Variants in MED6 observed in about 807,000 individuals in gnomAD.
MED6 encodes the protein mediator complex subunit 6.
In MED6, 33 loss-of-function variants were observed where a neutral mutation model predicts 37.5. The ratio of observed to expected loss-of-function variants is 0.88; its 90% CI spans 0.67 to 1.18. The LOEUF is 1.18. Ranked by LOEUF, MED6 falls within the 50% of genes most tolerant of loss-of-function variation. The pLI is 0.00. For synonymous variants in MED6, 94 were observed against 93.6 expected (o/e 1.00, Z -0.02); for missense variants, 235 against 290.6 (o/e 0.81, Z 1.39).
rs1353896922 is a variant in MED6, at chr14:70,585,605, T to C, written c.610+151A>G. On this transcript the variant is annotated intron_variant, in intron 7 of 7. Coordinates refer to ENST00000256379, the MANE Select transcript of MED6 (RefSeq NM_005466.4). ...GCCATCATTAGTGTTATTTTATGTG[T>C]GACCCAAGACAATTCTTCTTCCAAT... The C allele has an allele frequency of 7.9e-6, 4 of 504,166 alleles. No individual in the cohort carries two copies. The East Asian group carries it at 1.4e-4, about 18-fold the overall frequency. 31.2% of individuals were successfully genotyped at this position (504,166 alleles called of 1,614,324 possible). A position where few individuals can be genotyped will look rare whatever the true frequency, so the allele number is the denominator to read the frequency against.
intron 7 of MED6, among the ~76,000 whole-genome samples, chr14:70,585,538 C>T (rs1884679044): frequency 6.7e-6 from 1 of 149,754 alleles, no homozygotes; most frequent in Non-Finnish European, 1.5e-5. Flanking sequence ...TGTAAACTTC[C>T]TTAAAACATT....
chr14:70,594,018 T>C (rs1244225122), intron 3 of MED6, among the ~76,000 whole-genome samples: 1 of 152,230 alleles, frequency 6.6e-6, no homozygotes, highest in African/African-American at 2.4e-5. Flanking sequence ...TCTCTTTTAC[T>C]CTGGGCAGGG....
chr14:70,595,534 T>C (rs1885018176), intron 3 of MED6: 2 of 697,028 alleles, frequency 2.9e-6, no homozygotes, highest in Non-Finnish European at 5.1e-6. Context: ...TGCTATACCC[T>C]GCAGATGGAG....
Position 70,596,696 on chromosome 14 carries a change from C to A in MED6, c.189G>T (p.Met63Ile), listed in dbSNP as rs775989453. Residue 63 changes from methionine to isoleucine, a missense_variant, in exon 3 of 8, where the codon ATG becomes ATT. Physicochemically the swap from Met to Ile is conservative, Grantham distance 10. Transcript: ENST00000256379. ...GCAAAAGGATGTACTCGATTCCAACCATCTGACTGAAAACAGAACACAGAC... is the reference window on the plus strand; with the variant it reads ...GCAAAAGGATGTACTCGATTCCAACAATCTGACTGAAAACAGAACACAGAC... ...QRLTLEHLNQ[M>I]VGIEYILLHA... is the part of the protein sequence containing the mutation. 1 of 1,612,910 alleles carries A rather than the reference C, an allele frequency of 6.2e-7. No individual in the cohort carries two copies. Among genetic ancestry groups the A allele is most frequent in the South Asian group, 1.1e-5 (1 of 91,000 alleles).
chr14:70,585,450 T>C (rs1173612205), intron 7 of MED6, among the ~76,000 whole-genome samples: 1 of 152,112 alleles, frequency 6.6e-6, no homozygotes, highest in South Asian at 2.1e-4. Context: ...TGGGAGACTC[T>C]AGAACAAGAC....
chr14:70,598,570 C>T (rs987662766), intron 1 of MED6, among the ~76,000 whole-genome samples: 4 of 151,776 alleles, frequency 2.6e-5, no homozygotes, highest in East Asian at 1.9e-4. Context: ...GGTTTTAGCA[C>T]GGTATGTTAA....
chr14:70,600,615 C>A lies in MED6; in HGVS notation c.22+1G>T. ...AGACAAAATATAGCAATACAGTATA[C>A]CTCGGATATCCACCGCCGCCATAAT... On this transcript the variant is annotated splice_donor_variant, in intron 1 of 7. Transcript: ENST00000256379. LOFTEE classifies it high-confidence loss of function. 6.2e-7 allele frequency: 1 copy of A among 1,613,228 alleles called. No individual in the cohort carries two copies. Among genetic ancestry groups the A allele is most frequent in the African/African-American group, 1.3e-5 (1 of 74,694 alleles).
At chr14:70,599,303 AAAT>A (rs1885135817) in intron 1 of MED6, among the ~76,000 whole-genome samples, 1 of 152,230 alleles carries the variant, frequency 6.6e-6, no homozygotes, top group Non-Finnish European at 1.5e-5. Flanking sequence ...GTTAATAACC[AAAT>A]AATTAGTATA....
At chr14:70,585,641 C>T in intron 7 of MED6, 115 bp downstream of exon 7, 1 of 822,204 alleles carries the variant, frequency 1.2e-6, no homozygotes. Context: ...GAGACCCAGC[C>T]CCAGCTCTAG....
intron 2 of MED6, among the ~76,000 whole-genome samples, chr14:70,597,328 T>C (rs1885075923): frequency 6.6e-6 from 1 of 152,204 alleles, no homozygotes. Flanking sequence ...AAAGAGACAA[T>C]AATTATAGTT....
Position 70,584,250 on chromosome 14 carries a change from CCTTT to C in MED6, c.*559_*562del. The C allele has an allele frequency of 1.4e-6, 1 of 701,646 alleles. No homozygotes were observed. Among genetic ancestry groups the C allele is most frequent in the South Asian group, 1.6e-5 (1 of 62,776 alleles). 43.5% of individuals were successfully genotyped at this position (701,646 alleles called of 1,614,324 possible). On this transcript the variant is annotated 3_prime_UTR_variant, in exon 8 of 8. Transcript: ENST00000256379. ...CATGATGAAGCAATATATACAAATACCTTTATTTTGCTTTTAAACATATCTACCA... is the reference window on the plus strand; with the variant it reads ...CATGATGAAGCAATATATACAAATACATTTTGCTTTTAAACATATCTACCA...
chr14:70,598,544 A>G (rs1885113590), intron 1 of MED6, among the ~76,000 whole-genome samples: 2 of 152,174 alleles, frequency 1.3e-5, no homozygotes, highest in Non-Finnish European at 2.9e-5. Flanking sequence ...ATCATTTTTC[A>G]TGTGGAGAGA....
chr14:70,596,669 A>G lies in MED6; in HGVS notation c.216T>C (p.His72=), dbSNP rs1318038813. 2.5e-6 allele frequency: 4 copies of G among 1,613,952 alleles called. No homozygotes were observed. In the African/African-American group the frequency reaches 4.0e-5, roughly 16 times the overall value. ...TGATGAAAAGAATGGGCTCTTGAGC[A>G]TGCAAAAGGATGTACTCGATTCCAA... is the stretch of plus-strand genomic sequence containing the variant. ...QMVGIEYILL[H]AQEPILFIIR... Residue 72 remains histidine, a synonymous_variant, in exon 3 of 8, where the codon CAT becomes CAC. Transcript: ENST00000256379.
intron 3 of MED6, chr14:70,595,287 C>G (rs1033237761): frequency 6.7e-5 from 37 of 548,660 alleles, no homozygotes; most frequent in Non-Finnish European, 1.2e-4. Context: ...GCCAAGATCA[C>G]AGGAGACATC....
intron 1 of MED6, 67 bp downstream of exon 1, chr14:70,600,549 C>T: frequency 1.3e-6 from 2 of 1,580,634 alleles, no homozygotes; most frequent in South Asian, 2.2e-5. Context: ...ACCTTGAAAC[C>T]GCGAGCTATA....
chr14:70,585,324 C>G (rs1175175245), intron 7 of MED6, among the ~76,000 whole-genome samples: 1 of 152,182 alleles, frequency 6.6e-6, no homozygotes, highest in Non-Finnish European at 1.5e-5. Flanking sequence ...CTCACACCTC[C>G]TCAATACCTA....
At chr14:70,595,769 C>T in intron 3 of MED6, 1 of 712,108 alleles carries the variant, frequency 1.4e-6, no homozygotes, top group Non-Finnish European at 2.6e-6. Flanking sequence ...CCCCACCCGC[C>T]AGGTAGTGGA....
chr14:70,593,481 G>T, intron 3 of MED6, 103 bp from the exon 4 acceptor site: 1 of 892,464 alleles, frequency 1.1e-6, no homozygotes, highest in South Asian at 1.7e-5. Flanking sequence ...CCATAAGGCA[G>T]GGTTTAGCAA....
intron 1 of MED6, among the ~76,000 whole-genome samples, chr14:70,599,031 T>C (rs1324713235): frequency 6.6e-6 from 1 of 152,234 alleles, no homozygotes; most frequent in African/African-American, 2.4e-5. Flanking sequence ...TTGTATTGGC[T>C]ATTGGCTTTC....
Sources: allele counts gnomAD v4.1 joint callset (sites outside exome capture counted in the v4.1 genomes callset), GRCh38; gene constraint gnomAD v4.1.1; transcripts MANE v1.5; gene names NCBI Gene and HGNC (gene_info 2026-07-23, HGNC 2026-07-21).